KANSL1: variants seen among roughly 807,000 people sequenced by gnomAD.
The protein encoded by KANSL1 is KAT8 regulatory NSL complex subunit 1, also known as MLL1/MLL complex subunit KANSL1.
Under a neutral mutation model 103.6 loss-of-function variants are expected in KANSL1, and 22 were observed. The observed-to-expected ratio is 0.21, with a 90% CI of 0.15 to 0.30. KANSL1 has a LOEUF of 0.30. Among genes scored for constraint, KANSL1 ranks in the 10% least tolerant of loss-of-function variants. The pLI, the probability that KANSL1 is intolerant of heterozygous loss-of-function variation, is 1.00. For synonymous variants in KANSL1, 600 were observed against 527.6 expected, an observed-to-expected ratio of 1.14 and a Z score of -1.88; for missense variants, 1,337 against 1,399.8, an observed-to-expected ratio of 0.96 and a Z score of 0.72.
At position 46,066,534 on chromosome 17, in the gene KANSL1, G is replaced by C; in HGVS notation, c.1848+3C>G. 6.2e-7 allele frequency: 1 copy of C among 1,609,078 alleles called. No individual in the cohort carries two copies. On this transcript the variant is annotated splice_donor_region_variant and intron_variant, in intron 6 of 14. Transcript: ENST00000432791. ...ACAATGACCAACTCTCATCTGTACC[G>C]ACCTTCTTGGAAAGAGGAACGATGC...
intron 2 of KANSL1, among the ~76,000 whole-genome samples, chr17:46,105,906 GACACACAC>G (rs773000790): frequency 3.3e-3 from 311 of 95,198 alleles, no homozygotes; most frequent in Middle Eastern, 5.6e-3. Context: ...GCAAGGCCTT[GACACACAC>G]ACACACACAC....
intron 1 of KANSL1, among the ~76,000 whole-genome samples, chr17:46,208,689 G>A (rs1182219954): frequency 6.6e-6 from 1 of 151,216 alleles, no homozygotes; most frequent in Admixed American, 6.6e-5. Flanking sequence ...CTTAGAGACA[G>A]GATCTTCAGG....
chr17:46,122,269 G>A (rs2043314978), intron 2 of KANSL1, among the ~76,000 whole-genome samples: 1 of 152,178 alleles, frequency 6.6e-6, no homozygotes, highest in South Asian at 2.1e-4. Context: ...ACAGTTTGAG[G>A]AGACTAGCCT....
intron 2 of KANSL1, among the ~76,000 whole-genome samples, chr17:46,098,182 A>C (rs1416694618): frequency 1.3e-5 from 2 of 150,224 alleles, no homozygotes; most frequent in African/African-American, 5.1e-5. Context: ...CTACCCACAA[A>C]GAGACAAAAC....
At chr17:46,036,070 TA>T (rs539056576) in intron 10 of KANSL1, 1 of 152,056 alleles carries the variant, frequency 6.6e-6, no homozygotes, top group Non-Finnish European at 1.5e-5. Flanking sequence ...CGCTCTTTTA[TA>T]AAATCAGAAT....
At chr17:46,140,864 G>T (rs1486762542) in intron 2 of KANSL1, among the ~76,000 whole-genome samples, 11 of 152,140 alleles carry the variant, frequency 7.2e-5, no homozygotes. Flanking sequence ...TAATTAAAAA[G>T]ACAATTAGAA....
intron 1 of KANSL1, among the ~76,000 whole-genome samples, chr17:46,199,428 A>AT (rs147734615): frequency 1.3e-5 from 2 of 152,284 alleles, no homozygotes; most frequent in Admixed American, 6.5e-5. Flanking sequence ...AGAAATCAAG[A>AT]TTTTTTTTCA....
chr17:46,152,350 T>C (rs1226289110), intron 2 of KANSL1, among the ~76,000 whole-genome samples: 8 of 151,900 alleles, frequency 5.3e-5, no homozygotes, highest in South Asian at 2.1e-4. Flanking sequence ...CAGACAAACA[T>C]TCACTTCTTA....
At chr17:46,152,054 A>G (rs1363546197) in intron 2 of KANSL1, among the ~76,000 whole-genome samples, 1 of 152,266 alleles carries the variant, frequency 6.6e-6, no homozygotes, top group Non-Finnish European at 1.5e-5. Context: ...GTGTATAGCA[A>G]AAGTTGAGAA....
intron 3 of KANSL1, among the ~76,000 whole-genome samples, chr17:46,091,939 C>G (rs746085661): frequency 2.7e-5 from 4 of 150,236 alleles, no homozygotes; most frequent in Non-Finnish European, 6.0e-5. Context: ...GTCTCAGCCT[C>G]CCGAGTAGCT....
intron 1 of KANSL1, among the ~76,000 whole-genome samples, chr17:46,204,448 G>C (rs1457195218): frequency 6.6e-6 from 1 of 152,204 alleles, no homozygotes; most frequent in African/African-American, 2.4e-5. Flanking sequence ...CTGGGTAACA[G>C]AGCAAGACTC....
chr17:46,109,326 T>C (rs1309919041), intron 2 of KANSL1, among the ~76,000 whole-genome samples: 1 of 152,326 alleles, frequency 6.6e-6, no homozygotes, highest in South Asian at 2.1e-4. Context: ...GTTTCCGCTT[T>C]TACACATGGT....
intron 4 of KANSL1, among the ~76,000 whole-genome samples, chr17:46,070,751 T>C (rs7219300): frequency 0.084 from 12,778 of 152,048 alleles, 1,687 homozygotes; most frequent in African/African-American, 0.28. Context: ...ATATGGTATA[T>C]ATAATTTATA....
intron 2 of KANSL1, among the ~76,000 whole-genome samples, chr17:46,134,163 T>A (rs547544186): frequency 6.6e-6 from 1 of 151,750 alleles, no homozygotes; most frequent in Admixed American, 6.6e-5. Flanking sequence ...TTTGGGAGGC[T>A]GAGGCAGGCG....
At chr17:46,065,741 G>A (rs2078354574) in intron 6 of KANSL1, among the ~76,000 whole-genome samples, 1 of 152,072 alleles carries the variant, frequency 6.6e-6, no homozygotes, top group Non-Finnish European at 1.5e-5. Context: ...CATTAGTTTT[G>A]GAATAAAGGC....
intron 2 of KANSL1, among the ~76,000 whole-genome samples, chr17:46,152,337 T>C (rs537851434): frequency 6.6e-6 from 1 of 152,096 alleles, no homozygotes; most frequent in Non-Finnish European, 1.5e-5. Context: ...AAACAACGTA[T>C]TTCAGACAAA....
chr17:46,041,876 TTTTGTGTGTGTGTGTGTGTG>T (rs2077329949), intron 7 of KANSL1: 1 of 129,576 alleles, frequency 7.7e-6, no homozygotes, highest in Non-Finnish European at 1.6e-5. Flanking sequence ...TAGAAATTTA[TTTTGTGTGTGTGTGTGTGTG>T]TGTGTGTGTG....
chr17:46,118,556 G>C (rs2147166191), intron 2 of KANSL1, among the ~76,000 whole-genome samples: 1 of 152,328 alleles, frequency 6.6e-6, no homozygotes, highest in Middle Eastern at 3.4e-3. Flanking sequence ...CAGGACATCT[G>C]AAATGGGGTC....
intron 2 of KANSL1, among the ~76,000 whole-genome samples, chr17:46,128,372 T>TA (rs1217310850): frequency 6.6e-6 from 1 of 152,152 alleles, no homozygotes; most frequent in Non-Finnish European, 1.5e-5. Flanking sequence ...GTACCTTTGT[T>TA]ACAGCAGTGA....
Sources: allele counts gnomAD v4.1 joint callset (sites outside exome capture counted in the v4.1 genomes callset), GRCh38; gene constraint gnomAD v4.1.1; transcripts MANE v1.5; gene names NCBI Gene and HGNC (gene_info 2026-07-23, HGNC 2026-07-21).